Variants in DSCAML1 observed in about 807,000 individuals in gnomAD.
DSCAML1 encodes cell adhesion molecule DSCAML1.
DSCAML1 carries 38 observed loss-of-function variants against 200.5 expected under a neutral mutation model. That is an observed-to-expected ratio of 0.19 (90% CI 0.15 to 0.25). The LOEUF (loss-of-function observed/expected upper bound fraction) is 0.25. Among genes scored for constraint, DSCAML1 ranks in the 10% least tolerant of loss-of-function variants. DSCAML1 has a pLI of 1.00. For missense variants in DSCAML1, 2,223 were observed against 2,858.8 expected (o/e 0.78, Z 5.07); for synonymous variants, 1,215 against 1,165.0 (o/e 1.04, Z -0.87).
chr11:117,585,795 T>G (rs986156844), intron 3 of DSCAML1, among the ~76,000 whole-genome samples: 51 of 152,236 alleles, frequency 3.4e-4, no homozygotes, highest in African/African-American at 1.2e-3. Context: ...AGGGACCCAC[T>G]CACTCCTGGA....
rs1240012281 is a variant in DSCAML1 at position 117,606,598 on chromosome 11, C to CA, written c.512-74077dup. On this transcript the variant is annotated intron_variant, in intron 3 of 32. Coordinates refer to ENST00000651296, the MANE Select transcript of DSCAML1 (RefSeq NM_020693.4). ...TCTTCTCTTAGATACATCCATTTTTCAAAAAGGCATCCTTCATTTGACATG... is the reference window on the plus strand; with the variant it reads ...TCTTCTCTTAGATACATCCATTTTTCAAAAAAGGCATCCTTCATTTGACATG... 2.6e-5 allele frequency among the ~76,000 whole-genome samples: 4 copies of CA among 152,158 alleles called. No individual in the cohort carries two copies. The East Asian group carries it at 5.8e-4, about 22-fold the overall frequency.
rs147954168 is a variant in DSCAML1, at chr11:117,524,283, G to A, written c.937+522C>T. The stretch of plus-strand genomic sequence containing the variant: ...AGGTCCTGGCAGAGATGATTTGCTT[G>A]TTTATGGCCAGTTTCTGATCTGATT... On this transcript the variant is annotated intron_variant, in intron 5 of 32. Transcript: ENST00000651296. Among the ~76,000 whole-genome samples, 464 of 152,362 alleles carry A rather than the reference G, an allele frequency of 3.0e-3. 2 individuals carry two copies. Among genetic ancestry groups the A allele is most frequent in the African/African-American group, 0.011 (441 of 41,578 alleles).
intron 11 of DSCAML1, among the ~76,000 whole-genome samples, chr11:117,496,771 C>G (rs2137259240): frequency 6.6e-6 from 1 of 152,338 alleles, no homozygotes; most frequent in Non-Finnish European, 1.5e-5. Flanking sequence ...CACTTTTAAA[C>G]TGGAACCGGA....
At chr11:117,718,553 G>A (rs1238503915) in intron 3 of DSCAML1, among the ~76,000 whole-genome samples, 1 of 151,942 alleles carries the variant, frequency 6.6e-6, no homozygotes, top group East Asian at 1.9e-4. Context: ...AATGGAATTA[G>A]GAGATTCCTG....
intron 14 of DSCAML1, among the ~76,000 whole-genome samples, chr11:117,479,584 C>T (rs2048866039): frequency 1.3e-5 from 2 of 152,200 alleles, no homozygotes; most frequent in African/African-American, 4.8e-5. Context: ...CCCCACAGTG[C>T]CTCACAGTGG....
intron 3 of DSCAML1, among the ~76,000 whole-genome samples, chr11:117,539,859 G>A (rs1292121382): frequency 6.6e-6 from 1 of 152,058 alleles, no homozygotes; most frequent in Non-Finnish European, 1.5e-5. Flanking sequence ...TAGCCAAAAA[G>A]GTGGAAGAAA....
intron 16 of DSCAML1, among the ~76,000 whole-genome samples, chr11:117,465,566 T>C (rs978978203): frequency 4.6e-5 from 7 of 152,186 alleles, no homozygotes; most frequent in Admixed American, 1.3e-4. Flanking sequence ...TTCTTCCCGG[T>C]TTATTTTCCT....
At chr11:117,531,418 C>T (rs901999744) in intron 4 of DSCAML1, among the ~76,000 whole-genome samples, 1 of 152,308 alleles carries the variant, frequency 6.6e-6, no homozygotes. Flanking sequence ...CCCAGATACA[C>T]AGGAGGATTC....
At chr11:117,774,402 A>C (rs910178998) in intron 3 of DSCAML1, among the ~76,000 whole-genome samples, 2 of 152,098 alleles carry the variant, frequency 1.3e-5, no homozygotes, top group Non-Finnish European at 2.9e-5. Context: ...AATCGCAATA[A>C]CCTGTGCTCA....
intron 1 of DSCAML1, among the ~76,000 whole-genome samples, chr11:117,788,607 A>G (rs11216545): frequency 0.5 from 75,508 of 152,054 alleles, 19,149 homozygotes; most frequent in Non-Finnish European, 0.55. Context: ...GATTACAGGC[A>G]TGAGCCACCA....
intron 3 of DSCAML1, among the ~76,000 whole-genome samples, chr11:117,604,326 A>G (rs1425103155): frequency 6.6e-6 from 1 of 151,006 alleles, no homozygotes; most frequent in Non-Finnish European, 1.5e-5. Context: ...TTTGTCACCG[A>G]GAAAGGGTGA....
At chr11:117,730,818 G>C (rs913885971) in intron 3 of DSCAML1, among the ~76,000 whole-genome samples, 1 of 152,074 alleles carries the variant, frequency 6.6e-6, no homozygotes, top group Admixed American at 6.5e-5. Context: ...TCCATCAATG[G>C]GCGAATTGAT....
At chr11:117,431,409 T>G in intron 31 of DSCAML1, 125 bp downstream of exon 31, 1 of 895,994 alleles carries the variant, frequency 1.1e-6, no homozygotes, top group Non-Finnish European at 1.6e-6. Context: ...CAGCTAGACA[T>G]GAAACTGACT....
At position 117,780,254 on chromosome 11, in the gene DSCAML1, AAG is replaced by A. The variant is rs1491250645; in HGVS notation, c.364+237_364+238del. On this transcript the variant is annotated intron_variant, in intron 2 of 32. Coordinates refer to ENST00000651296, the MANE Select transcript of DSCAML1 (RefSeq NM_020693.4). This position sits in a 1 kb window ranked among gnomAD's most constrained non-coding sequence, Gnocchi z 4.8. ...AAGGAAAGAAAGAAAGAAAGAAAGA[AAG>A]AAAGAAAGAAAGAAAGAAAGAAAGA... 1.0e-3 allele frequency among the ~76,000 whole-genome samples: 77 copies of A among 75,548 alleles called. No homozygotes were observed. Among genetic ancestry groups the A allele is most frequent in the African/African-American group, 3.2e-3 (70 of 21,788 alleles). 49.6% of individuals were successfully genotyped at this position (75,548 alleles called of 152,430 possible).
intron 3 of DSCAML1, among the ~76,000 whole-genome samples, chr11:117,619,948 G>A (rs951509152): frequency 6.6e-6 from 1 of 152,188 alleles, no homozygotes; most frequent in African/African-American, 2.4e-5. Context: ...ACCCCAGGGA[G>A]CTTTATTGAG....
At position 117,623,216 on chromosome 11, in the gene DSCAML1, CTTTTTT is replaced by C. The variant is rs56343852; in HGVS notation, c.512-90700_512-90695del. Among the ~76,000 whole-genome samples the C allele has an allele frequency of 1.6e-3, 193 of 121,118 alleles. 1 individual carries two copies. The highest frequency in any genetic ancestry group is 5.7e-3 in the African/African-American group (185 of 32,256). 79.5% of individuals were successfully genotyped at this position (121,118 alleles called of 152,430 possible). A position where few individuals can be genotyped will look rare whatever the true frequency, so the allele number is the denominator to read the frequency against. On this transcript the variant is annotated intron_variant, in intron 3 of 32. Transcript: ENST00000651296. ...TTTTTTTTCTTTTTTCTTTTCTTTT[CTTTTTT>C]TTTTTTTTTTTGAGACAGAGTTTTG... is the stretch of plus-strand genomic sequence containing the variant.
chr11:117,726,945 C>T (rs734378), intron 3 of DSCAML1, among the ~76,000 whole-genome samples: 14,522 of 152,118 alleles, frequency 0.095, 1,284 homozygotes, highest in African/African-American at 0.23. Flanking sequence ...ACGTAGCCTA[C>T]TGGGGCCATA....
At chr11:117,617,680 G>GCGCACACACA (rs1395796967) in intron 3 of DSCAML1, among the ~76,000 whole-genome samples, 17 of 143,014 alleles carry the variant, frequency 1.2e-4, no homozygotes, top group African/African-American at 3.7e-4. Context: ...ACAGGTACAC[G>GCGCACACACA]CACACACACA....
chr11:117,636,719 C>T (rs1372720971), intron 3 of DSCAML1, among the ~76,000 whole-genome samples: 1 of 152,230 alleles, frequency 6.6e-6, no homozygotes, highest in African/African-American at 2.4e-5. Context: ...CAATTACTAA[C>T]TGTGTAACCC....
Sources: allele counts gnomAD v4.1 joint callset (sites outside exome capture counted in the v4.1 genomes callset), GRCh38; gene constraint gnomAD v4.1.1; non-coding constraint Gnocchi (gnomAD v3.1); transcripts MANE v1.5; gene names NCBI Gene and HGNC (gene_info 2026-07-23, HGNC 2026-07-21).